The following CHRM3 variants were observed in gnomAD, a reference collection of about 807,000 sequenced individuals.
The protein encoded by CHRM3 is cholinergic receptor muscarinic 3, also known as muscarinic acetylcholine receptor M3.
CHRM3 carries 11 observed loss-of-function variants against 41.8 expected under a neutral mutation model. The ratio of observed to expected loss-of-function variants is 0.26; its 90% CI spans 0.17 to 0.44. The LOEUF (loss-of-function observed/expected upper bound fraction) is 0.44, where lower values mean the gene tolerates loss of function less well. Among genes scored for constraint, CHRM3 ranks in the 20% least tolerant of loss-of-function variants. The pLI is 1.00. For missense variants in CHRM3, 571 were observed against 745.4 expected (o/e 0.77, Z 2.72); for synonymous variants, 297 against 301.4 (o/e 0.99, Z 0.15).
intron 6 of CHRM3, among the ~76,000 whole-genome samples, chr1:239,841,975 A>G (rs1236168653): frequency 6.6e-6 from 1 of 152,048 alleles, no homozygotes; most frequent in African/African-American, 2.4e-5. Flanking sequence ...TGTAGGGGGG[A>G]CGCCTATATC....
chr1:239,888,997 T>C (rs1403358231), intron 6 of CHRM3, among the ~76,000 whole-genome samples: 5 of 152,186 alleles, frequency 3.3e-5, no homozygotes, highest in Non-Finnish European at 5.9e-5. Flanking sequence ...GCAGCCTCAT[T>C]GTCTGGGGTG....
At chr1:239,585,052 AAT>A (rs71567251) in intron 3 of CHRM3, among the ~76,000 whole-genome samples, 12,335 of 144,604 alleles carry the variant, frequency 0.085, 1,019 homozygotes, top group African/African-American at 0.23. Context: ...GCAACAATTA[AAT>A]ATATATATAT....
At chr1:239,818,081 C>T (rs1212481500) in intron 5 of CHRM3, among the ~76,000 whole-genome samples, 4 of 152,280 alleles carry the variant, frequency 2.6e-5, no homozygotes, top group Non-Finnish European at 5.9e-5. Context: ...TTCTATCTCA[C>T]AGTTCTGGAA....
At chr1:239,701,744 C>G (rs1330930130) in intron 5 of CHRM3, among the ~76,000 whole-genome samples, 1 of 152,042 alleles carries the variant, frequency 6.6e-6, no homozygotes. Context: ...TCATCTCATT[C>G]CTTCCTAACC....
intron 5 of CHRM3, among the ~76,000 whole-genome samples, chr1:239,717,565 A>C (rs951277475): frequency 1.3e-5 from 2 of 152,018 alleles, no homozygotes; most frequent in African/African-American, 4.8e-5. Context: ...GATTGGAGTT[A>C]ACATTTCATC....
At chr1:239,391,750 G>A (rs1019874032) in intron 1 of CHRM3, among the ~76,000 whole-genome samples, 3 of 152,100 alleles carry the variant, frequency 2.0e-5, no homozygotes, top group Non-Finnish European at 2.9e-5. Context: ...GAAGCCATCC[G>A]GAATATGAAC....
intron 1 of CHRM3, among the ~76,000 whole-genome samples, chr1:239,480,067 A>C (rs1388205236): frequency 1.3e-5 from 2 of 152,216 alleles, no homozygotes; most frequent in Non-Finnish European, 2.9e-5. Flanking sequence ...TAGTTGACTG[A>C]ATCATAATTA....
chr1:239,844,518 C>T (rs896424460), intron 6 of CHRM3, among the ~76,000 whole-genome samples: 7 of 152,100 alleles, frequency 4.6e-5, no homozygotes, highest in Non-Finnish European at 7.3e-5. Flanking sequence ...GTGGATTAGG[C>T]CCTAAGAAGT....
At chr1:239,744,802 T>G (rs1274955380) in intron 5 of CHRM3, among the ~76,000 whole-genome samples, 2 of 152,172 alleles carry the variant, frequency 1.3e-5, no homozygotes, top group Admixed American at 1.3e-4. Context: ...TGGTCCCTAC[T>G]GAGTGTTTAA....
rs781689391 is a variant in CHRM3 at position 239,765,396 on chromosome 1, GC to G, written c.-146-61853del. The stretch of plus-strand genomic sequence containing the variant: ...GGAAGTAAGTCCTGTTCAGGGTCAG[GC>G]CCGGTTAATGCTTTATTATTTTCTA... On this transcript the variant is annotated intron_variant, in intron 5 of 6. Transcript: ENST00000676153. Among the ~76,000 whole-genome samples the G allele has an allele frequency of 2.0e-5, 3 of 152,162 alleles. No individual in the cohort carries two copies. The South Asian group carries it at 6.2e-4, about 32-fold the overall frequency.
intron 5 of CHRM3, among the ~76,000 whole-genome samples, chr1:239,714,685 G>T (rs538111969): frequency 6.6e-6 from 1 of 152,164 alleles, no homozygotes; most frequent in Non-Finnish European, 1.5e-5. Context: ...TAAGCCAGGG[G>T]TGATACAATC....
At chr1:239,714,201 T>C (rs1054739500) in intron 5 of CHRM3, 1 of 152,196 alleles carries the variant, frequency 6.6e-6, no homozygotes, top group African/African-American at 2.4e-5. Flanking sequence ...CAGCATGCCA[T>C]GAGCTCCTGA....
chr1:239,581,814 G>A (rs1489988656), intron 3 of CHRM3, among the ~76,000 whole-genome samples: 1 of 152,148 alleles, frequency 6.6e-6, no homozygotes, highest in East Asian at 1.9e-4. Flanking sequence ...TAAGCTGCCT[G>A]AGTCTAAAGC....
intron 1 of CHRM3, among the ~76,000 whole-genome samples, chr1:239,404,394 AAGAAAGAAAGAAAGAAAAAGAAAG>A (rs1558195373): frequency 2.2e-3 from 177 of 80,138 alleles, no homozygotes; most frequent in Non-Finnish European, 3.1e-3. Context: ...GAAAGAAAGA[AAGAAAGAAAGAAAGAAAAAGAAAG>A]AAAGAAAGAA....
In CHRM3 at chr1:239,418,341, G is replaced by A. The variant is rs76334418; in HGVS notation, c.-521+31114G>A. ...AGTGCTTAGATGTTGCTTTGTGTGT[G>A]TGTGTGTGTGTGTATCTTTAAAAAA... On this transcript the variant is annotated intron_variant, in intron 1 of 6. Transcript: ENST00000676153. 5.1e-3 allele frequency among the ~76,000 whole-genome samples: 770 copies of A among 152,226 alleles called. 10 individuals carry two copies. The East Asian group carries it at 0.063, about 13-fold the overall frequency.
At chr1:239,483,801 C>T (rs866078111) in intron 1 of CHRM3, among the ~76,000 whole-genome samples, 1 of 152,116 alleles carries the variant, frequency 6.6e-6, no homozygotes, top group African/African-American at 2.4e-5. Context: ...GCAAACCGCT[C>T]CTGTTTCTGA....
chr1:239,661,522 C>T (rs927642104), intron 4 of CHRM3, among the ~76,000 whole-genome samples: 25 of 151,898 alleles, frequency 1.6e-4, no homozygotes. Flanking sequence ...CATGGAGGAC[C>T]CTTAAATGGA....
intron 6 of CHRM3, among the ~76,000 whole-genome samples, chr1:239,889,304 C>A (rs10802813): frequency 0.23 from 35,605 of 152,012 alleles, 5,022 homozygotes; most frequent in South Asian, 0.35. Flanking sequence ...GCATAGGGGT[C>A]AATTTCTGGT....
chr1:239,648,238 C>A (rs1427438472), intron 4 of CHRM3, among the ~76,000 whole-genome samples: 2 of 152,174 alleles, frequency 1.3e-5, no homozygotes, highest in African/African-American at 4.8e-5. Flanking sequence ...ATAGTTTTCA[C>A]TGATGCTTCA....
Sources: gnomAD v4.1 joint callset for allele counts (sites outside exome capture counted in the v4.1 genomes callset) on GRCh38, gnomAD v4.1.1 for gene constraint, MANE v1.5 for transcripts, NCBI Gene and HGNC (gene_info 2026-07-23, HGNC 2026-07-21) for gene names.